Variants in HNF1A observed in about 807,000 individuals in gnomAD.
HNF1A encodes HNF1 homeobox A, also known as hepatocyte nuclear factor 1-alpha.
Under a neutral mutation model 62.2 loss-of-function variants are expected in HNF1A, and 21 were observed. The observed-to-expected ratio is 0.34, with a 90% CI of 0.24 to 0.49. HNF1A has a LOEUF of 0.49. Among genes scored for constraint, HNF1A ranks in the 20% least tolerant of loss-of-function variants. HNF1A has a pLI of 0.99. For synonymous variants in HNF1A, 374 were observed against 366.8 expected (o/e 1.02, Z -0.22); for missense variants, 687 against 832.3 (o/e 0.83, Z 2.15).
chr12:120,997,726 C>G, intron 7 of HNF1A, 61 bp downstream of exon 7: 2 of 1,519,320 alleles, frequency 1.3e-6, no homozygotes, highest in Non-Finnish European at 1.8e-6. Context: ...TCAATGGATG[C>G]AGGGGAAAGG....
chr12:120,984,745 G>C (rs1019561777), intron 1 of HNF1A, among the ~76,000 whole-genome samples: 8 of 151,932 alleles, frequency 5.3e-5, no homozygotes, highest in African/African-American at 1.7e-4. Flanking sequence ...CTGCGGGGGT[G>C]GGGTGGTCCT....
intron 1 of HNF1A, among the ~76,000 whole-genome samples, chr12:120,987,523 C>G (rs1876575408): frequency 6.7e-6 from 1 of 150,066 alleles, no homozygotes; most frequent in South Asian, 2.1e-4. Context: ...GCCTCCTGTT[C>G]TGGTGCTGCA....
chr12:120,979,694 C>T (rs1352964688), intron 1 of HNF1A: 1 of 155,374 alleles, frequency 6.4e-6, no homozygotes, highest in African/African-American at 2.4e-5. Flanking sequence ...CAGCAGGCGC[C>T]ATTAGAGGCT....
rs1876079320 is a variant in HNF1A, at chr12:120,978,765, A to AGCCATGGTTTCTAAACTGAGCCAGCTGC, written c.-3_25dup. 3.1e-6 allele frequency: 5 copies of AGCCATGGTTTCTAAACTGAGCCAGCTGC among 1,612,382 alleles called. No homozygotes were observed. The highest frequency in any genetic ancestry group is 1.3e-5 in the African/African-American group (1 of 74,840). On this transcript the variant is annotated 5_prime_UTR_variant, in exon 1 of 10. The change creates a new upstream start codon in the 5' untranslated region. Transcript: ENST00000257555. ...GGGCCGCGTGGCCCTGTGGCAGCCG[A>AGCCATGGTTTCTAAACTGAGCCAGCTGC]GCCATGGTTTCTAAACTGAGCCAGC...
chr12:121,001,362 C>T lies in HNF1A; in HGVS notation c.*170C>T, dbSNP rs547080919. ...GCATCAGAAAGGGAGGGCTCTGAGG[C>T]GCCCCAACCCGTGGAGGCTGCTCGG... On this transcript the variant is annotated 3_prime_UTR_variant, in exon 10 of 10. Coordinates refer to ENST00000257555, the MANE Select transcript of HNF1A (RefSeq NM_000545.8). 139 of 820,796 alleles carry T rather than the reference C, an allele frequency of 1.7e-4. No individual in the cohort carries two copies. The highest frequency in any genetic ancestry group is 5.4e-4 in the South Asian group (32 of 58,846). The allele number at this position is 820,796 out of a possible 1,614,324, so 50.8% of individuals were successfully genotyped here.
At position 120,978,895 on chromosome 12, in the gene HNF1A, C is replaced by A. The variant is rs749730441; in HGVS notation, c.127C>A (p.Pro43Thr). The A allele has an allele frequency of 6.2e-6, 10 of 1,613,142 alleles. No individual in the cohort carries two copies. In the Admixed American group the frequency reaches 1.2e-4, roughly 19 times the overall value. The change falls in exon 1 of 10, where the codon CCC becomes ACC. Residue 43 changes from proline (P) to threonine (T), a missense_variant. By Grantham distance (38) the Pro-to-Thr change is conservative. Around this residue, in one of 5 missense-constraint regions of HNF1A, gnomAD observed 159 missense variants for 154.4 expected, o/e 1.03. Transcript: ENST00000257555. ...PGPYLLAGEG[P>T]LDKGESCGGG... ...GCCCTACCTCCTGGCTGGAGAAGGC[C>A]CCCTGGACAAGGGGGAGTCCTGCGG... is the stretch of plus-strand genomic sequence containing the variant.
intron 2 of HNF1A, among the ~76,000 whole-genome samples, chr12:120,989,982 A>C (rs1462693792): frequency 6.6e-6 from 1 of 152,106 alleles, no homozygotes; most frequent in Non-Finnish European, 1.5e-5. Context: ...CTGCAAACTC[A>C]GGAAGCTCTG....
chr12:120,982,466 G>GGCGC (rs1555210725), intron 1 of HNF1A, among the ~76,000 whole-genome samples: 15 of 151,630 alleles, frequency 9.9e-5, no homozygotes, highest in Non-Finnish European at 8.8e-5. Flanking sequence ...CAGGAGGGGG[G>GGCGC]GGGGACAGAG....
chr12:120,997,948 G>C, intron 7 of HNF1A: 1 of 626,942 alleles, frequency 1.6e-6, no homozygotes, highest in Non-Finnish European at 2.9e-6. Context: ...GAAACTCTTA[G>C]GGCCATATGA....
chr12:120,996,346 C>A lies in HNF1A; in HGVS notation c.1040C>A (p.Pro347His). 6.2e-7 allele frequency: 1 copy of A among 1,614,134 alleles called. No homozygotes were observed. Among genetic ancestry groups the A allele is most frequent in the Non-Finnish European group, 8.5e-7 (1 of 1,180,010 alleles). The change falls in exon 5 of 10, where the codon CCC becomes CAC. Residue 347 changes from proline to histidine, a missense_variant. Physicochemically the swap from Pro to His is moderately conservative, Grantham distance 77. This residue lies in a region of HNF1A where 408 missense variants were observed against 455.3 expected (regional missense o/e 0.90). Transcript: ENST00000257555. This position sits in a 1 kb window ranked among gnomAD's most constrained non-coding sequence, Gnocchi z 4.5. The stretch of plus-strand genomic sequence containing the variant: ...GGTCCCTTAGTGACAGTGTCTACAC[C>A]CCTCCACCAAGTGTCCCCCACGGGC... The part of the protein sequence containing the change: ...SGGPLVTVST[P>H]LHQVSPTGLE...
chr12:120,997,969 T>C (rs1469665004), intron 7 of HNF1A: 14 of 614,578 alleles, frequency 2.3e-5, no homozygotes, highest in Non-Finnish European at 3.8e-5. Flanking sequence ...ATTTCTAAAA[T>C]CTATTCAGAT....
In HNF1A at chr12:120,978,798, G is replaced by T. The variant is rs746020457; in HGVS notation, c.30G>T (p.Thr10=). The T allele has an allele frequency of 6.2e-7, 1 of 1,613,096 alleles. No individual in the cohort carries two copies. The change falls in exon 1 of 10, where the codon ACG becomes ACT. Residue 10 remains threonine (T), a synonymous_variant. Transcript: ENST00000257555. MVSKLSQLQ[T]ELLAALLESG... ...TTTCTAAACTGAGCCAGCTGCAGAC[G>T]GAGCTCCTGGCGGCCCTGCTCGAGT...
chr12:120,994,728 C>T (rs1260142868), intron 4 of HNF1A, among the ~76,000 whole-genome samples: 7 of 151,484 alleles, frequency 4.6e-5, no homozygotes, highest in Non-Finnish European at 3.0e-5. Context: ...TCCACTCCGT[C>T]CAACTTCATC....
At chr12:120,999,026 T>A (rs1411594600) in intron 7 of HNF1A, among the ~76,000 whole-genome samples, 7 of 152,056 alleles carry the variant, frequency 4.6e-5, no homozygotes, top group Admixed American at 3.9e-4. Context: ...GGAGCTGGAG[T>A]TGGTTTCTGG....
At chr12:120,989,817 A>G (rs376099328) in intron 2 of HNF1A, among the ~76,000 whole-genome samples, 116 of 152,300 alleles carry the variant, frequency 7.6e-4, no homozygotes, top group African/African-American at 2.6e-3. Context: ...GAAGCCTCAC[A>G]TTGCAAATAT....
intron 1 of HNF1A, among the ~76,000 whole-genome samples, chr12:120,985,171 C>G (rs1377009105): frequency 6.7e-6 from 1 of 149,482 alleles, no homozygotes; most frequent in Non-Finnish European, 1.5e-5. Context: ...GTCTCAAACT[C>G]CTGGGCCCAA....
In HNF1A at chr12:120,978,937, C is replaced by A. The variant is rs1876096687; in HGVS notation, c.169C>A (p.Leu57Met). 4 of 1,609,506 alleles carry A rather than the reference C, an allele frequency of 2.5e-6. No homozygotes were observed. In the South Asian group the frequency reaches 4.4e-5, roughly 18 times the overall value. Residue 57 changes from leucine to methionine, a missense_variant, in exon 1 of 10, where the codon CTG becomes ATG. Coordinates refer to ENST00000257555, the MANE Select transcript of HNF1A (RefSeq NM_000545.8). ...GTCCTGCGGCGGCGGTCGAGGGGAG[C>A]TGGCTGAGCTGCCCAATGGGCTGGG... ...GESCGGGRGE[L>M]AELPNGLGET...
chr12:120,996,243 A>G lies in HNF1A; in HGVS notation c.956-19A>G. 6.2e-7 allele frequency: 1 copy of G among 1,613,622 alleles called. No homozygotes were observed. The highest frequency in any genetic ancestry group is 2.2e-5 in the East Asian group (1 of 44,870). On this transcript the variant is annotated intron_variant, in intron 4 of 9. Transcript: ENST00000257555. This position sits in a 1 kb window ranked among gnomAD's most constrained non-coding sequence, Gnocchi z 4.5. ...CAGGGAAGTGGGGTGCTGAGGCAGG[A>G]CACTGCTTCCCTCTCCAGGTGTGCG...
At chr12:120,986,015 T>C (rs1593051680) in intron 1 of HNF1A, among the ~76,000 whole-genome samples, 1 of 151,424 alleles carries the variant, frequency 6.6e-6, no homozygotes, top group South Asian at 2.1e-4. Flanking sequence ...ATAAATATCA[T>C]GTATGCATAT....
Sources: allele counts gnomAD v4.1 joint callset (sites outside exome capture counted in the v4.1 genomes callset), GRCh38; gene constraint gnomAD v4.1.1; regional missense constraint gnomAD v4.1.1; non-coding constraint Gnocchi (gnomAD v3.1); transcripts MANE v1.5; gene names NCBI Gene and HGNC (gene_info 2026-07-23, HGNC 2026-07-21).